Variants in C6orf89 observed in about 807,000 individuals in gnomAD.
The protein encoded by C6orf89 is bombesin receptor-activated protein C6orf89.
Under a neutral mutation model 40.7 loss-of-function variants are expected in C6orf89, and 29 were observed. The ratio of observed to expected loss-of-function variants is 0.71; its 90% confidence interval spans 0.53 to 0.97. The LOEUF (loss-of-function observed/expected upper bound fraction) is 0.97. C6orf89 is among the 50% of genes least tolerant of loss of function. C6orf89 has a pLI of 0.00. For synonymous variants in C6orf89, 165 were observed against 152.2 expected (o/e 1.08, Z -0.62); for missense variants, 392 against 429.1 (o/e 0.91, Z 0.76).
At chr6:36,899,371 G>A in intron 2 of C6orf89, 55 bp from the exon 3 acceptor site, 3 of 1,539,760 alleles carry the variant, frequency 1.9e-6, no homozygotes, top group Non-Finnish European at 2.7e-6. Context: ...TGAAGAGGAA[G>A]TACCTAAAGA....
At chr6:36,909,808 G>A (rs1247892344) in intron 4 of C6orf89, among the ~76,000 whole-genome samples, 1 of 147,952 alleles carries the variant, frequency 6.8e-6, no homozygotes. Context: ...AAAGTTTTTT[G>A]TTAATTCAAA....
At chr6:36,914,227 G>A in intron 4 of C6orf89, 57 bp from the exon 5 acceptor site, 1 of 1,445,406 alleles carries the variant, frequency 6.9e-7, no homozygotes, top group Non-Finnish European at 9.5e-7. Context: ...GGAGCTACTG[G>A]ATGTACCAGC....
At chr6:36,904,916 C>T (rs1761869805) in intron 4 of C6orf89, among the ~76,000 whole-genome samples, 1 of 152,074 alleles carries the variant, frequency 6.6e-6, no homozygotes, top group Admixed American at 6.5e-5. Context: ...GGAAGTTTCC[C>T]CTGACCCCAC....
At chr6:36,904,400 G>A (rs1761848979) in intron 4 of C6orf89, among the ~76,000 whole-genome samples, 1 of 152,120 alleles carries the variant, frequency 6.6e-6, no homozygotes, top group Admixed American at 6.5e-5. Context: ...GGAAGGGTGT[G>A]GCTTTAGCTC....
At chr6:36,878,731 A>C (rs1039660068) in intron 1 of C6orf89, among the ~76,000 whole-genome samples, 5 of 152,244 alleles carry the variant, frequency 3.3e-5, no homozygotes, top group African/African-American at 4.8e-5. Context: ...GGCCAATCCC[A>C]GCGGCCATAC....
rs115365436 is a variant in C6orf89, at chr6:36,886,399, C to G, written c.-120+371C>G. Among the ~76,000 whole-genome samples, 581 of 152,298 alleles carry G rather than the reference C, an allele frequency of 3.8e-3. 1 individual carries two copies. Among genetic ancestry groups the G allele is most frequent in the Non-Finnish European group, 5.9e-3 (401 of 68,020 alleles). On this transcript the variant is annotated intron_variant, in intron 1 of 8. Transcript: ENST00000480824. ...AAGAAATTAAGAGTAGATTCCCCACCCCCTTCTGAAAGATCTTTTTCTAAT... is the reference window on the plus strand; with the variant it reads ...AAGAAATTAAGAGTAGATTCCCCACGCCCTTCTGAAAGATCTTTTTCTAAT...
At chr6:36,906,763 C>T (rs1397942056) in intron 4 of C6orf89, among the ~76,000 whole-genome samples, 1 of 152,106 alleles carries the variant, frequency 6.6e-6, no homozygotes, top group African/African-American at 2.4e-5. Context: ...CTGCCTCATG[C>T]CCGGGGTACT....
intron 1 of C6orf89, among the ~76,000 whole-genome samples, chr6:36,873,408 A>G (rs1395510208): frequency 2.0e-5 from 3 of 152,232 alleles, no homozygotes; most frequent in Admixed American, 6.5e-5. Context: ...AAGAAAACCA[A>G]GTTACAGAAA....
At chr6:36,874,583 C>T in intron 1 of C6orf89, 2 of 1,211,610 alleles carry the variant, frequency 1.7e-6, no homozygotes, top group Non-Finnish European at 2.4e-6. Flanking sequence ...CCTCTGGGGG[C>T]CGTCTCGGCC....
chr6:36,922,158 A>G (rs1004904255), intron 8 of C6orf89, among the ~76,000 whole-genome samples: 7 of 151,936 alleles, frequency 4.6e-5, no homozygotes, highest in Non-Finnish European at 8.8e-5. Context: ...CCAAGAGATG[A>G]TGAAACCCCG....
intron 1 of C6orf89, among the ~76,000 whole-genome samples, chr6:36,876,745 G>A (rs71569354): frequency 0.15 from 20,435 of 137,554 alleles, 1,794 homozygotes; most frequent in East Asian, 0.22. Context: ...AAAAAAAGAA[G>A]AAGAAGAAGA....
chr6:36,911,938 C>CG lies in C6orf89; in HGVS notation c.404-2346_404-2345insG, dbSNP rs58216363. ...ACTTCTCATCACAGTGAACCCCCCC[C>CG]CCCCGACCTTTTCCCTAAAAAAGGG... On this transcript the variant is annotated intron_variant, in intron 4 of 8. Coordinates refer to ENST00000480824, the MANE Select transcript of C6orf89 (RefSeq NM_001286635.2). Among the ~76,000 whole-genome samples the CG allele has an allele frequency of 9.9e-3, 1,459 of 147,794 alleles. 38 individuals carry two copies. Among genetic ancestry groups the CG allele is most frequent in the African/African-American group, 0.034 (1,377 of 40,396 alleles).
intron 1 of C6orf89, 23 bp downstream of exon 1, chr6:36,886,051 T>C: frequency 8.1e-7 from 1 of 1,231,794 alleles, no homozygotes; most frequent in African/African-American, 1.7e-5. Flanking sequence ...GGCCCGAGGC[T>C]GGGTGGGGGG....
In C6orf89 at chr6:36,925,639, T is replaced by C. The variant is rs1462389917; in HGVS notation, c.*2198T>C. The stretch of plus-strand genomic sequence containing the variant: ...GGGGAAAATTCTCCAAAGAGGGTTT[T>C]CTACATACACAGAAGCAGTTCAACT... On this transcript the variant is annotated 3_prime_UTR_variant, in exon 9 of 9. Transcript: ENST00000480824. 2 of 152,232 alleles carry C rather than the reference T, an allele frequency of 1.3e-5. No homozygotes were observed. The highest frequency in any genetic ancestry group is 2.9e-5 in the Non-Finnish European group (2 of 68,044). 9.4% of individuals were successfully genotyped at this position (152,232 alleles called of 1,614,324 possible).
chr6:36,914,234 C>T (rs745920668), intron 4 of C6orf89, 50 bp from the exon 5 acceptor site: 4 of 1,507,238 alleles, frequency 2.7e-6, no homozygotes, highest in Non-Finnish European at 3.6e-6. Context: ...CTGGATGTAC[C>T]AGCTATGCTC....
intron 2 of C6orf89, among the ~76,000 whole-genome samples, chr6:36,897,786 C>T (rs938230937): frequency 2.0e-5 from 3 of 152,156 alleles, no homozygotes; most frequent in South Asian, 2.1e-4. Flanking sequence ...GGTGTGCTGG[C>T]GTGCGCTGGG....
Position 36,914,607 on chromosome 6 carries a change from T to A in C6orf89, c.609T>A (p.Pro203=), listed in dbSNP as rs755072130. ...TTCAGCATTTTTTGTGCCAGTACCC[T>A]GAGGCGACAGAAGGCTTCTCTGAAG... ...EEIQHFLCQY[P]EATEGFSEGF... is the part of the protein sequence containing the mutation. The change falls in exon 6 of 9, where the codon CCT becomes CCA. Residue 203 remains proline (P), a synonymous_variant. Transcript: ENST00000480824. 1 of 1,614,246 alleles carries A rather than the reference T, an allele frequency of 6.2e-7. No individual in the cohort carries two copies. The highest frequency in any genetic ancestry group is 1.3e-5 in the African/African-American group (1 of 75,068).
At chr6:36,876,479 C>G (rs1774654988) in intron 1 of C6orf89, among the ~76,000 whole-genome samples, 1 of 152,148 alleles carries the variant, frequency 6.6e-6, no homozygotes, top group South Asian at 2.1e-4. Context: ...TAATCTGGCA[C>G]TTTCGGAGGC....
In C6orf89 at chr6:36,925,167, G is replaced by C. The variant is rs1762639461; in HGVS notation, c.*1726G>C. The C allele has an allele frequency of 6.6e-6, 1 of 152,206 alleles. No homozygotes were observed. Among genetic ancestry groups the C allele is most frequent in the Non-Finnish European group, 1.5e-5 (1 of 68,040 alleles). 9.4% of individuals were successfully genotyped at this position (152,206 alleles called of 1,614,324 possible). ...GCAGTTATGATTTAAGAGGTTTTAA[G>C]TCAGAGGGATCATCTGGAGGCCGGC... On this transcript the variant is annotated 3_prime_UTR_variant, in exon 9 of 9. Transcript: ENST00000480824.
Sources: allele counts gnomAD v4.1 joint callset (sites outside exome capture counted in the v4.1 genomes callset), GRCh38; gene constraint gnomAD v4.1.1; transcripts MANE v1.5; gene names NCBI Gene and HGNC (gene_info 2026-07-23, HGNC 2026-07-21).